IFITM1: variants seen among roughly 807,000 people sequenced by gnomAD.
IFITM1 encodes interferon induced transmembrane protein 1, also known as interferon-induced transmembrane protein 1.
A neutral mutation model predicts 4.0 loss-of-function variants in IFITM1; 1 was observed. That is an observed-to-expected ratio of 0.25 (90% CI 0.09 to 1.18). IFITM1 has a LOEUF of 1.18. Ranked by LOEUF, IFITM1 falls within the 50% of genes most tolerant of loss-of-function variation. The pLI, the probability that IFITM1 is intolerant of heterozygous loss-of-function variation, is 0.50. For missense variants in IFITM1, 131 were observed against 163.2 expected, an observed-to-expected ratio of 0.80 and a Z score of 1.08; for synonymous variants, 79 against 69.7, an observed-to-expected ratio of 1.13 and a Z score of -0.67.
At position 314,419 on chromosome 11, in the gene IFITM1, A is replaced by T. The variant is rs557450524; in HGVS notation, c.186+63A>T. 5.6e-6 allele frequency: 9 copies of T among 1,593,200 alleles called. No homozygotes were observed. In the African/African-American group the frequency reaches 6.7e-5, roughly 12 times the overall value. Reference sequence around the variant, plus strand: ...TGAGCCTGGGGCTCCACCTGCCCACATGCTGCCTGGGGTGGGGACTTGTGT... The same window carrying T: ...TGAGCCTGGGGCTCCACCTGCCCACTTGCTGCCTGGGGTGGGGACTTGTGT... On this transcript the variant is annotated intron_variant, in intron 1 of 1. Transcript: ENST00000408968. This position sits in a 1 kb window ranked among gnomAD's most constrained non-coding sequence, Gnocchi z 4.5.
In IFITM1 at chr11:314,807, C is replaced by T. The variant is rs529790951; in HGVS notation, c.187-115C>T. On this transcript the variant is annotated intron_variant, in intron 1 of 1. Transcript: ENST00000408968. The surrounding 1 kb of genome is among the most constrained non-coding windows in gnomAD (Gnocchi z 4.5). The stretch of plus-strand genomic sequence containing the variant: ...CCGAGGCTCCTGGAGAGTCTGAGCC[C>T]GGGTGAGGAAGGGGAGGAGGTGGTC... 5.8e-4 allele frequency: 860 copies of T among 1,481,466 alleles called. 1 individual carries two copies. The highest frequency in any genetic ancestry group is 1.9e-3 in the Middle Eastern group (9 of 4,626). 91.8% of individuals were successfully genotyped at this position (1,481,466 alleles called of 1,614,324 possible). A position where few individuals can be genotyped will look rare whatever the true frequency, so the allele number is the denominator to read the frequency against.
In IFITM1 at chr11:314,079, C is replaced by T; in HGVS notation, c.-92C>T. 1 of 1,105,714 alleles carries T rather than the reference C, an allele frequency of 9.0e-7. No individual in the cohort carries two copies. The highest frequency in any genetic ancestry group is 1.4e-6 in the Non-Finnish European group (1 of 734,146). The allele number at this position is 1,105,714 out of a possible 1,614,324, so 68.5% of individuals were successfully genotyped here. The stretch of plus-strand genomic sequence containing the variant: ...AAGGAGGTCTCACTGAGCACCGTCC[C>T]AGCATCCGGACACCACAGCGGCCCT... On this transcript the variant is annotated 5_prime_UTR_variant, in exon 1 of 2. Coordinates refer to ENST00000408968, the MANE Select transcript of IFITM1 (RefSeq NM_003641.5). This position sits in a 1 kb window ranked among gnomAD's most constrained non-coding sequence, Gnocchi z 4.5.
In IFITM1 at chr11:315,174, G is replaced by A; in HGVS notation, c.*61G>A. ...GTGCAATGCTGGCCCTGCACGCTGG[G>A]GCTGTTGCCCCTGCCCCCTTGGTCC... is the stretch of plus-strand genomic sequence containing the variant. On this transcript the variant is annotated 3_prime_UTR_variant, in exon 2 of 2. Transcript: ENST00000408968. The A allele has an allele frequency of 6.5e-7, 1 of 1,549,494 alleles. No individual in the cohort carries two copies. Among genetic ancestry groups the A allele is most frequent in the Non-Finnish European group, 8.9e-7 (1 of 1,128,600 alleles).
chr11:314,061 T>G lies in IFITM1; in HGVS notation c.-110T>G. 1 of 827,516 alleles carries G rather than the reference T, an allele frequency of 1.2e-6. No homozygotes were observed. The highest frequency in any genetic ancestry group is 2.0e-6 in the Non-Finnish European group (1 of 500,898). The allele number at this position is 827,516 out of a possible 1,614,324, so 51.3% of individuals were successfully genotyped here. A position where few individuals can be genotyped will look rare whatever the true frequency, so the allele number is the denominator to read the frequency against. ...AACTGAAACGACAGGGGAAAGGAGG[T>G]CTCACTGAGCACCGTCCCAGCATCC... is the stretch of plus-strand genomic sequence containing the variant. On this transcript the variant is annotated 5_prime_UTR_variant, in exon 1 of 2. Coordinates refer to ENST00000408968, the MANE Select transcript of IFITM1 (RefSeq NM_003641.5). The surrounding 1 kb of genome is among the most constrained non-coding windows in gnomAD (Gnocchi z 4.5).
chr11:315,111 T>C lies in IFITM1; in HGVS notation c.376T>C (p.Ter126GlnextTer1), dbSNP rs2119466517. ...GATAATACAGGAAAAACGGGGTTAC[T>C]AGTAGCCGCCCATAGCCTGCAACCT... ...LQIIQEKRGY* is the reference protein window; with the variant it reads ...LQIIQEKRGYQ Residue 126 changes from the stop codon to glutamine, a stop_lost, in exon 2 of 2, where the codon TAG becomes CAG. Coordinates refer to ENST00000408968, the MANE Select transcript of IFITM1 (RefSeq NM_003641.5). 3 of 1,613,948 alleles carry C rather than the reference T, an allele frequency of 1.9e-6. No individual in the cohort carries two copies. Among genetic ancestry groups the C allele is most frequent in the Non-Finnish European group, 2.5e-6 (3 of 1,179,866 alleles).
Position 315,238 on chromosome 11 carries a change from T to A in IFITM1, c.*125T>A. Reference sequence around the variant, plus strand: ...AGCAGTTTATACCCACACACCTGTCTACAGTGTCATTCAATAAAGTGCACG... The same window carrying A: ...AGCAGTTTATACCCACACACCTGTCAACAGTGTCATTCAATAAAGTGCACG... On this transcript the variant is annotated 3_prime_UTR_variant, in exon 2 of 2. Coordinates refer to ENST00000408968, the MANE Select transcript of IFITM1 (RefSeq NM_003641.5). 3.5e-6 allele frequency: 3 copies of A among 854,134 alleles called. No individual in the cohort carries two copies. The highest frequency in any genetic ancestry group is 5.6e-6 in the Non-Finnish European group (3 of 536,558). 52.9% of individuals were successfully genotyped at this position (854,134 alleles called of 1,614,324 possible). A position where few individuals can be genotyped will look rare whatever the true frequency, so the allele number is the denominator to read the frequency against.
At position 315,021 on chromosome 11, in the gene IFITM1, A is replaced by T. The variant is rs1215546939; in HGVS notation, c.286A>T (p.Met96Leu). The T allele has an allele frequency of 6.2e-7, 1 of 1,614,062 alleles. No individual in the cohort carries two copies. The highest frequency in any genetic ancestry group is 8.5e-7 in the Non-Finnish European group (1 of 1,179,892). The change falls in exon 2 of 2, where the codon ATG (methionine) becomes TTG (leucine). Residue 96 changes from methionine to leucine, a missense_variant. Transcript: ENST00000408968. ...CTGGGCCCTGATTCTGGGCATCCTC[A>T]TGACCATTGGATTCATCCTGTTACT... is the stretch of plus-strand genomic sequence containing the variant. ...NIWALILGIL[M>L]TIGFILLLVF...
In IFITM1 at chr11:314,204, G is replaced by T. The variant is rs930409250; in HGVS notation, c.34G>T (p.Gly12Trp). The T allele has an allele frequency of 3.7e-6, 6 of 1,614,006 alleles. No homozygotes were observed. Among genetic ancestry groups the T allele is most frequent in the Non-Finnish European group, 5.1e-6 (6 of 1,179,962 alleles). The change falls in exon 1 of 2, where the codon GGG (glycine) becomes TGG (tryptophan). Residue 12 changes from glycine (G) to tryptophan (W), a missense_variant. Gly to Trp is a radical substitution (Grantham distance 184). Around this residue, in one of 3 missense-constraint regions of IFITM1, gnomAD observed 77 missense variants for 80.1 expected, o/e 0.96. Coordinates refer to ENST00000408968, the MANE Select transcript of IFITM1 (RefSeq NM_003641.5). This position sits in a 1 kb window ranked among gnomAD's most constrained non-coding sequence, Gnocchi z 4.5. ...HKEEHEVAVL[G>W]PPPSTILPRS... Reference sequence around the variant, plus strand: ...GGAGGAACATGAGGTGGCTGTGCTGGGGCCACCCCCCAGCACCATCCTTCC... The same window carrying T: ...GGAGGAACATGAGGTGGCTGTGCTGTGGCCACCCCCCAGCACCATCCTTCC...
In IFITM1 at chr11:314,373, CG is replaced by C; in HGVS notation, c.186+19del. ...TCCGTGAAGGTGCGTATGGCCCTGG[CG>C]GAAATCCAGGGGGTGCCGGTGAGCC... On this transcript the variant is annotated intron_variant, in intron 1 of 1. Coordinates refer to ENST00000408968, the MANE Select transcript of IFITM1 (RefSeq NM_003641.5). This position sits in a 1 kb window ranked among gnomAD's most constrained non-coding sequence, Gnocchi z 4.5. 1.2e-6 allele frequency: 2 copies of C among 1,612,994 alleles called. No homozygotes were observed. Among genetic ancestry groups the C allele is most frequent in the South Asian group, 2.2e-5 (2 of 91,056 alleles).
chr11:314,841 C>G lies in IFITM1; in HGVS notation c.187-81C>G, dbSNP rs780103608. ...AAGGGGAGGAGGTGGTCCCTGATCT[C>G]AGGGCGGGGAGGAGACGGAGCCATA... On this transcript the variant is annotated intron_variant, in intron 1 of 1. Transcript: ENST00000408968. The surrounding 1 kb of genome is among the most constrained non-coding windows in gnomAD (Gnocchi z 4.5). 1 of 1,598,454 alleles carries G rather than the reference C, an allele frequency of 6.3e-7. No individual in the cohort carries two copies. The highest frequency in any genetic ancestry group is 1.3e-5 in the African/African-American group (1 of 74,490).
rs1846039251 is a variant in IFITM1, at chr11:315,091, T to C, written c.356T>C (p.Ile119Thr). Reference protein sequence around the residue: ...VTVYHIMLQIIQEKRGY With the variant: ...VTVYHIMLQITQEKRGY ...GTCTACCATATTATGTTACAGATAA[T>C]ACAGGAAAAACGGGGTTACTAGTAG... The change falls in exon 2 of 2, where the codon ATA becomes ACA. Residue 119 changes from isoleucine (I) to threonine (T), a missense_variant. By Grantham distance (89) the Ile-to-Thr change is moderately conservative (BLOSUM62 -1). Coordinates refer to ENST00000408968, the MANE Select transcript of IFITM1 (RefSeq NM_003641.5). The C allele has an allele frequency of 3.1e-6, 5 of 1,614,112 alleles. No individual in the cohort carries two copies. Among genetic ancestry groups the C allele is most frequent in the Non-Finnish European group, 4.2e-6 (5 of 1,179,966 alleles).
Position 314,058 on chromosome 11 carries a change from A to G in IFITM1, c.-113A>G, listed in dbSNP as rs903957321. ...AGAAACTGAAACGACAGGGGAAAGG[A>G]GGTCTCACTGAGCACCGTCCCAGCA... On this transcript the variant is annotated 5_prime_UTR_variant, in exon 1 of 2. Coordinates refer to ENST00000408968, the MANE Select transcript of IFITM1 (RefSeq NM_003641.5). The surrounding 1 kb of genome is among the most constrained non-coding windows in gnomAD (Gnocchi z 4.5). The G allele has an allele frequency of 1.3e-6, 1 of 786,830 alleles. No individual in the cohort carries two copies. The highest frequency in any genetic ancestry group is 2.1e-6 in the Non-Finnish European group (1 of 465,482). 48.7% of individuals were successfully genotyped at this position (786,830 alleles called of 1,614,324 possible). A position where few individuals can be genotyped will look rare whatever the true frequency, so the allele number is the denominator to read the frequency against.
rs575430138 is a variant in IFITM1, at chr11:315,185, C to T, written c.*72C>T. The T allele has an allele frequency of 4.0e-6, 6 of 1,494,536 alleles. No homozygotes were observed. In the East Asian group the frequency reaches 1.4e-4, roughly 34 times the overall value. 92.6% of individuals were successfully genotyped at this position (1,494,536 alleles called of 1,614,324 possible). A position where few individuals can be genotyped will look rare whatever the true frequency, so the allele number is the denominator to read the frequency against. Reference sequence around the variant, plus strand: ...GCCCTGCACGCTGGGGCTGTTGCCCCTGCCCCCTTGGTCCTGCCCCTAGAT... The same window carrying T: ...GCCCTGCACGCTGGGGCTGTTGCCCTTGCCCCCTTGGTCCTGCCCCTAGAT... On this transcript the variant is annotated 3_prime_UTR_variant, in exon 2 of 2. Coordinates refer to ENST00000408968, the MANE Select transcript of IFITM1 (RefSeq NM_003641.5).
Position 314,718 on chromosome 11 carries a change from G to T in IFITM1, c.187-204G>T, listed in dbSNP as rs1437326205. Reference sequence around the variant, plus strand: ...CAGAAAGTGAGAAGGGAACTCACAGGTGACTTCACCCCATGGTGGGGAGAA... The same window carrying T: ...CAGAAAGTGAGAAGGGAACTCACAGTTGACTTCACCCCATGGTGGGGAGAA... On this transcript the variant is annotated intron_variant, in intron 1 of 1. Transcript: ENST00000408968. The surrounding 1 kb of genome is among the most constrained non-coding windows in gnomAD (Gnocchi z 4.5). 6.6e-6 allele frequency among the ~76,000 whole-genome samples: 1 copy of T among 152,192 alleles called. No individual in the cohort carries two copies.
chr11:314,847 G>A lies in IFITM1; in HGVS notation c.187-75G>A, dbSNP rs374571792. 12,568 of 1,601,034 alleles carry A rather than the reference G, an allele frequency of 7.8e-3. 90 individuals carry two copies. The highest frequency in any genetic ancestry group is 0.02 in the South Asian group (1,837 of 90,148). Reference sequence around the variant, plus strand: ...AGGAGGTGGTCCCTGATCTCAGGGCGGGGAGGAGACGGAGCCATAGCACGC... The same window carrying A: ...AGGAGGTGGTCCCTGATCTCAGGGCAGGGAGGAGACGGAGCCATAGCACGC... On this transcript the variant is annotated intron_variant, in intron 1 of 1. Coordinates refer to ENST00000408968, the MANE Select transcript of IFITM1 (RefSeq NM_003641.5). The surrounding 1 kb of genome is among the most constrained non-coding windows in gnomAD (Gnocchi z 4.5).
In IFITM1 at chr11:314,305, C is replaced by T. The variant is rs1362766722; in HGVS notation, c.135C>T (p.Leu45=). The T allele has an allele frequency of 1.9e-6, 3 of 1,613,892 alleles. No homozygotes were observed. The highest frequency in any genetic ancestry group is 2.7e-5 in the African/African-American group (2 of 74,928). Residue 45 remains leucine, a synonymous_variant, in exon 1 of 2, where the codon CTC becomes CTT. Coordinates refer to ENST00000408968, the MANE Select transcript of IFITM1 (RefSeq NM_003641.5). This position sits in a 1 kb window ranked among gnomAD's most constrained non-coding sequence, Gnocchi z 4.5. ...DHVVWSLFNT[L]FLNWCCLGFI... The stretch of plus-strand genomic sequence containing the variant: ...TCGTCTGGTCCCTGTTCAACACCCT[C>T]TTCTTGAACTGGTGCTGTCTGGGCT...
chr11:314,858 G>A lies in IFITM1; in HGVS notation c.187-64G>A, dbSNP rs1020737856. On this transcript the variant is annotated intron_variant, in intron 1 of 1. Transcript: ENST00000408968. The surrounding 1 kb of genome is among the most constrained non-coding windows in gnomAD (Gnocchi z 4.5). ...CCTGATCTCAGGGCGGGGAGGAGACGGAGCCATAGCACGCGGCTCTCAGCT... is the reference window on the plus strand; with the variant it reads ...CCTGATCTCAGGGCGGGGAGGAGACAGAGCCATAGCACGCGGCTCTCAGCT... 3.2e-5 allele frequency: 51 copies of A among 1,603,400 alleles called. 1 individual carries two copies. Among genetic ancestry groups the A allele is most frequent in the South Asian group, 7.7e-5 (7 of 90,458 alleles).
Position 314,056 on chromosome 11 carries a change from G to A in IFITM1, c.-115G>A. 2.6e-6 allele frequency: 2 copies of A among 778,662 alleles called. No homozygotes were observed. Among genetic ancestry groups the A allele is most frequent in the Non-Finnish European group, 4.4e-6 (2 of 459,656 alleles). 48.2% of individuals were successfully genotyped at this position (778,662 alleles called of 1,614,324 possible). ...TGAGAAACTGAAACGACAGGGGAAA[G>A]GAGGTCTCACTGAGCACCGTCCCAG... On this transcript the variant is annotated 5_prime_UTR_variant, in exon 1 of 2. Transcript: ENST00000408968. This position sits in a 1 kb window ranked among gnomAD's most constrained non-coding sequence, Gnocchi z 4.5.
At position 314,393 on chromosome 11, in the gene IFITM1, G is replaced by A. The variant is rs1400119292; in HGVS notation, c.186+37G>A. The stretch of plus-strand genomic sequence containing the variant: ...CCTGGCGGAAATCCAGGGGGTGCCG[G>A]TGAGCCTGGGGCTCCACCTGCCCAC... On this transcript the variant is annotated intron_variant, in intron 1 of 1. Coordinates refer to ENST00000408968, the MANE Select transcript of IFITM1 (RefSeq NM_003641.5). The surrounding 1 kb of genome is among the most constrained non-coding windows in gnomAD (Gnocchi z 4.5). The A allele has an allele frequency of 6.2e-7, 1 of 1,611,530 alleles. No individual in the cohort carries two copies. Among genetic ancestry groups the A allele is most frequent in the Non-Finnish European group, 8.5e-7 (1 of 1,178,116 alleles).
Sources: allele counts gnomAD v4.1 joint callset (sites outside exome capture counted in the v4.1 genomes callset), GRCh38; gene constraint gnomAD v4.1.1; regional missense constraint gnomAD v4.1.1; non-coding constraint Gnocchi (gnomAD v3.1); transcripts MANE v1.5; gene names NCBI Gene and HGNC (gene_info 2026-07-23, HGNC 2026-07-21).